ERCC2: variants seen among roughly 807,000 people sequenced by gnomAD.
ERCC2 encodes ERCC excision repair 2, TFIIH core complex helicase subunit.
Under a neutral mutation model 99.4 loss-of-function variants are expected in ERCC2, and 90 were observed. That is an observed-to-expected ratio of 0.91 (90% CI 0.76 to 1.08). ERCC2 has a LOEUF of 1.08. Among genes scored for constraint, ERCC2 ranks in the 50% least tolerant of loss-of-function variants. ERCC2 has a pLI of 0.00. For missense variants in ERCC2, 993 were observed against 1,038.1 expected, an observed-to-expected ratio of 0.96 and a Z score of 0.60; for synonymous variants, 497 against 432.4, an observed-to-expected ratio of 1.15 and a Z score of -1.85.
intron 5 of ERCC2, among the ~76,000 whole-genome samples, chr19:45,365,850 T>G: frequency 6.6e-6 from 1 of 152,028 alleles, no homozygotes. Flanking sequence ...TACATACATA[T>G]TTTTGGAGAC....
chr19:45,368,633 A>G lies in ERCC2; in HGVS notation c.357T>C (p.Pro119=). The part of the protein sequence containing the change: ...LSSRKNLCIH[P]EVTPLRFGKD... ...AGGAGAAGGAACAGGTGCTCACCTC[A>G]GGGTGAATACACAAGTTTTTGCGGG... The change falls in exon 5 of 23, where the codon CCT becomes CCC. Residue 119 remains proline, a synonymous_variant. Coordinates refer to ENST00000391945, the MANE Select transcript of ERCC2 (RefSeq NM_000400.4). 1 of 1,598,804 alleles carries G rather than the reference A, an allele frequency of 6.3e-7. No homozygotes were observed. Among genetic ancestry groups the G allele is most frequent in the East Asian group, 2.2e-5 (1 of 44,818 alleles).
rs775534713 is a variant in ERCC2, at chr19:45,364,537, G to A, written c.605C>T (p.Ala202Val). The change falls in exon 8 of 23, where the codon GCC (alanine) becomes GTC (valine). Residue 202 changes from alanine (A) to valine (V), a missense_variant. Transcript: ENST00000391945. ...YFLARYSILH[A>V]NVVVYSYHYL... is the part of the protein sequence containing the mutation. ...GTGGTAGCTATAAACCACCACATTGGCATGCAGGATCTGGGGGGCCGGGGA... is the reference window on the plus strand; with the variant it reads ...GTGGTAGCTATAAACCACCACATTGACATGCAGGATCTGGGGGGCCGGGGA... The A allele has an allele frequency of 5.0e-6, 8 of 1,613,302 alleles. No homozygotes were observed.
rs1353116494 is a variant in ERCC2, at chr19:45,352,826, AGAG to A, written c.1832-13_1832-11del. On this transcript the variant is annotated splice_polypyrimidine_tract_variant and intron_variant, in intron 19 of 22. Coordinates refer to ENST00000391945, the MANE Select transcript of ERCC2 (RefSeq NM_000400.4). ...CGCCCGTAGTGGTGCACTGGTGGGC[AGAG>A]GAGAGGGGGCGAGGGGGGTTACAAG... The A allele has an allele frequency of 3.1e-6, 5 of 1,613,076 alleles. No individual in the cohort carries two copies. Among genetic ancestry groups the A allele is most frequent in the Non-Finnish European group, 4.2e-6 (5 of 1,179,522 alleles).
At chr19:45,360,856 G>C (rs1430542913) in intron 12 of ERCC2, among the ~76,000 whole-genome samples, 1 of 152,052 alleles carries the variant, frequency 6.6e-6, no homozygotes, top group Non-Finnish European at 1.5e-5. Context: ...CTCTGGGCCG[G>C]GCATGGTGGC....
chr19:45,350,741 C>T lies in ERCC2; in HGVS notation c.*888G>A, dbSNP rs746209909. 2.0e-5 allele frequency: 33 copies of T among 1,610,370 alleles called. No individual in the cohort carries two copies. The highest frequency in any genetic ancestry group is 2.6e-5 in the Non-Finnish European group (31 of 1,178,658). On this transcript the variant is annotated 3_prime_UTR_variant, in exon 23 of 23. Coordinates refer to ENST00000391945, the MANE Select transcript of ERCC2 (RefSeq NM_000400.4). ...CTCCGAGGCGAGGCGGCGGCAGGAG[C>T]AGCCGGGTGAGTGTTGATCAGGTCG... is the stretch of plus-strand genomic sequence containing the variant.
At position 45,350,656 on chromosome 19, in the gene ERCC2, A is replaced by C; in HGVS notation, c.*973T>G. On this transcript the variant is annotated 3_prime_UTR_variant, in exon 23 of 23. Transcript: ENST00000391945. ...CCCTCCCCAGGCCCTTCGCCGCAGC[A>C]GCTCACTCTCCAAGATCCGTGAGTC... The C allele has an allele frequency of 6.2e-7, 1 of 1,613,706 alleles. No homozygotes were observed. Among genetic ancestry groups the C allele is most frequent in the Non-Finnish European group, 8.5e-7 (1 of 1,179,780 alleles).
At chr19:45,352,095 G>T in intron 22 of ERCC2, 114 bp downstream of exon 22, 3 of 1,239,924 alleles carry the variant, frequency 2.4e-6, no homozygotes, top group African/African-American at 1.5e-5. Flanking sequence ...ACTTCTCTTT[G>T]CTGAGGGCAG....
rs764543395 is a variant in ERCC2, at chr19:45,350,544, C to T, written c.*1085G>A. On this transcript the variant is annotated 3_prime_UTR_variant, in exon 23 of 23. Transcript: ENST00000391945. The stretch of plus-strand genomic sequence containing the variant: ...CCCAACACAGGCACAGCTGGTGACG[C>T]AGAACAGGTGAGGATGGGCTGTGCT... The T allele has an allele frequency of 2.5e-6, 4 of 1,613,862 alleles. No homozygotes were observed. Among genetic ancestry groups the T allele is most frequent in the South Asian group, 1.1e-5 (1 of 91,056 alleles).
intron 4 of ERCC2, 45 bp from the exon 5 acceptor site, chr19:45,368,788 G>C (rs752557188): frequency 6.4e-7 from 1 of 1,554,728 alleles, no homozygotes; most frequent in Non-Finnish European, 8.8e-7. Flanking sequence ...CTCATTGGAG[G>C]CACAAACCCC....
chr19:45,354,987 C>T lies in ERCC2; in HGVS notation c.1544-136G>A, dbSNP rs3916868. ...ACACATATCCCCCTCCTCCTCCTCC[C>T]GGGCGTGTCTGAGGACCCGCCTTGC... is the stretch of plus-strand genomic sequence containing the variant. On this transcript the variant is annotated intron_variant, in intron 16 of 22. Transcript: ENST00000391945. 236,458 of 1,138,412 alleles carry T rather than the reference C, an allele frequency of 0.21. 26,799 individuals are homozygous for T. Among genetic ancestry groups the T allele is most frequent in the Non-Finnish European group, 0.24 (180,257 of 765,934 alleles). The allele number at this position is 1,138,412 out of a possible 1,614,324, so 70.5% of individuals were successfully genotyped here.
Position 45,364,104 on chromosome 19 carries a change from G to A in ERCC2, c.831C>T (p.Asp277=), listed in dbSNP as rs547544775. 19 of 1,610,052 alleles carry A rather than the reference G, an allele frequency of 1.2e-5. No homozygotes were observed. The South Asian group carries it at 1.4e-4, about 12-fold the overall frequency. ...QKTVLRIKET[D]EQRLRDEYRR... Reference sequence around the variant, plus strand: ...GGTACTCGTCCCGCAGGCGCTGCTCGTCTGTCTCTTTGATCCTGCGGAGAG... The same window carrying A: ...GGTACTCGTCCCGCAGGCGCTGCTCATCTGTCTCTTTGATCCTGCGGAGAG... The change falls in exon 10 of 23, where the codon GAC becomes GAT. Residue 277 remains aspartate (D), a synonymous_variant. Transcript: ENST00000391945.
rs746209909 is a variant in ERCC2, at chr19:45,350,741, C to A, written c.*888G>T. 2 of 1,610,488 alleles carry A rather than the reference C, an allele frequency of 1.2e-6. No individual in the cohort carries two copies. The highest frequency in any genetic ancestry group is 2.2e-5 in the South Asian group (2 of 90,562). On this transcript the variant is annotated 3_prime_UTR_variant, in exon 23 of 23. Coordinates refer to ENST00000391945, the MANE Select transcript of ERCC2 (RefSeq NM_000400.4). ...CTCCGAGGCGAGGCGGCGGCAGGAG[C>A]AGCCGGGTGAGTGTTGATCAGGTCG... is the stretch of plus-strand genomic sequence containing the variant.
In ERCC2 at chr19:45,363,805, C is replaced by G. The variant is rs1972313184; in HGVS notation, c.1056G>C (p.Glu352Asp). The change falls in exon 11 of 23, where the codon GAG (glutamate) becomes GAC (aspartate). Residue 352 changes from glutamate to aspartate, a missense_variant. Glu to Asp is a conservative substitution (Grantham distance 45). Around this residue, in one of 3 missense-constraint regions of ERCC2, gnomAD observed 909 missense variants for 930.8 expected, o/e 0.98. Transcript: ENST00000391945. ...GGCCGCTCAGGAAGGCGGGCGGGCT[C>G]TCCTGCACCACATGCTGCACACGCA... ...WRLRVQHVVQ[E>D]SPPAFLSGLA... The G allele has an allele frequency of 6.5e-7, 1 of 1,540,696 alleles. No homozygotes were observed. Among genetic ancestry groups the G allele is most frequent in the African/African-American group, 1.4e-5 (1 of 73,320 alleles).
At chr19:45,356,987 G>T (rs1972034106) in intron 15 of ERCC2, among the ~76,000 whole-genome samples, 1 of 152,218 alleles carries the variant, frequency 6.6e-6, no homozygotes, top group Non-Finnish European at 1.5e-5. Context: ...ACCTGTGCCA[G>T]GCCCTGGGCG....
intron 11 of ERCC2, 69 bp downstream of exon 11, chr19:45,363,674 G>A (rs775287080): frequency 1.6e-5 from 24 of 1,469,870 alleles, no homozygotes; most frequent in Non-Finnish European, 2.2e-5. Flanking sequence ...GGCTACAGGC[G>A]TGGAGGACAC....
intron 22 of ERCC2, 130 bp from the exon 23 acceptor site, chr19:45,351,851 G>T: frequency 1.2e-6 from 1 of 810,088 alleles, no homozygotes; most frequent in Non-Finnish European, 2.0e-6. Flanking sequence ...GGAGATGTCC[G>T]TATAATCCAG....
Position 45,351,500 on chromosome 19 carries a change from G to C in ERCC2, c.*129C>G, listed in dbSNP as rs1460876382. On this transcript the variant is annotated 3_prime_UTR_variant, in exon 23 of 23. Transcript: ENST00000391945. ...ATAGCTGCCTTCTCCTGCGATTAAAGGCTGTGGACGTGACAGTGAGAAATG... is the reference window on the plus strand; with the variant it reads ...ATAGCTGCCTTCTCCTGCGATTAAACGCTGTGGACGTGACAGTGAGAAATG... The C allele has an allele frequency of 1.9e-6, 3 of 1,594,490 alleles. No homozygotes were observed. The highest frequency in any genetic ancestry group is 2.6e-6 in the Non-Finnish European group (3 of 1,175,030).
intron 22 of ERCC2, 109 bp downstream of exon 22, chr19:45,352,100 G>A (rs1171729380): frequency 1.6e-6 from 2 of 1,276,402 alleles, no homozygotes; most frequent in South Asian, 1.3e-5. Flanking sequence ...TCTTTGCTGA[G>A]GGCAGGAGGA....
intron 12 of ERCC2, among the ~76,000 whole-genome samples, chr19:45,359,855 A>G (rs1280613549): frequency 1.3e-5 from 2 of 148,886 alleles, no homozygotes; most frequent in African/African-American, 5.0e-5. Flanking sequence ...GCTCACTGCA[A>G]CCTCCGCCTC....
Sources: gnomAD v4.1 joint callset for allele counts (sites outside exome capture counted in the v4.1 genomes callset) on GRCh38, gnomAD v4.1.1 for gene constraint, gnomAD v4.1.1 regional missense constraint, MANE v1.5 for transcripts, NCBI Gene and HGNC (gene_info 2026-07-23, HGNC 2026-07-21) for gene names.